VWA8: variants seen among roughly 807,000 people sequenced by gnomAD.
VWA8 encodes von Willebrand factor A domain-containing protein 8.
A neutral mutation model predicts 241.5 loss-of-function variants in VWA8; 221 were observed. That is an observed-to-expected ratio of 0.91 (90% CI 0.82 to 1.02). The LOEUF is 1.02. VWA8 is among the 50% of genes least tolerant of loss of function. VWA8 has a pLI of 0.00. For missense variants in VWA8, 2,322 were observed against 2,328.7 expected, an observed-to-expected ratio of 1.00 and a Z score of 0.06; for synonymous variants, 852 against 827.1, an observed-to-expected ratio of 1.03 and a Z score of -0.52.
intron 2 of VWA8, among the ~76,000 whole-genome samples, chr13:41,927,553 A>T (rs1308320318): frequency 6.6e-6 from 1 of 152,028 alleles, no homozygotes; most frequent in East Asian, 1.9e-4. Context: ...AAAAAAAAAA[A>T]CTATAAGATG....
Position 41,961,052 on chromosome 13 carries a change from C to T in VWA8, c.-37G>A. 1 of 1,353,624 alleles carries T rather than the reference C, an allele frequency of 7.4e-7. No homozygotes were observed. The highest frequency in any genetic ancestry group is 9.4e-7 in the Non-Finnish European group (1 of 1,058,966). The allele number at this position is 1,353,624 out of a possible 1,614,324, so 83.9% of individuals were successfully genotyped here. On this transcript the variant is annotated 5_prime_UTR_variant, in exon 1 of 45. Transcript: ENST00000379310. ...GGCTGTCGGGGACGGCGAGGGGGCT[C>T]GGGGATCGAGCGGCGTCCCGTGCAG...
intron 21 of VWA8, among the ~76,000 whole-genome samples, chr13:41,755,638 A>T (rs749534993): frequency 5.3e-5 from 8 of 151,960 alleles, no homozygotes; most frequent in Non-Finnish European, 1.2e-4. Flanking sequence ...ATTTTGTAAC[A>T]AATGGTTAGT....
At chr13:41,689,925 T>C (rs983899169) in intron 33 of VWA8, among the ~76,000 whole-genome samples, 3 of 152,112 alleles carry the variant, frequency 2.0e-5, no homozygotes, top group Admixed American at 1.3e-4. Context: ...AACCTAAATG[T>C]ATATAAAAAT....
At chr13:41,810,299 C>A (rs1248638524) in intron 17 of VWA8, among the ~76,000 whole-genome samples, 6 of 151,978 alleles carry the variant, frequency 3.9e-5, no homozygotes, top group Non-Finnish European at 8.8e-5. Context: ...AAAGAAAATC[C>A]ATATATTGAA....
chr13:41,761,284 A>G, intron 20 of VWA8, 80 bp from the exon 21 acceptor site: 1 of 1,373,740 alleles, frequency 7.3e-7, no homozygotes, highest in Non-Finnish European at 1.0e-6. Flanking sequence ...AGAATCTTTT[A>G]CCAAAACCTG....
In VWA8 at chr13:41,784,703, T is replaced by TATACATATACATATACATATACATATAC. The variant is rs1566456213; in HGVS notation, c.2171-803_2171-802insGTATATGTATATGTATATGTATATGTAT. On this transcript the variant is annotated intron_variant, in intron 18 of 44. Coordinates refer to ENST00000379310, the MANE Select transcript of VWA8 (RefSeq NM_015058.2). ...CTTTATACATATACATATACATATA[T>TATACATATACATATACATATACATATAC]ATATATATATATATATATATATATA... 1.7e-3 allele frequency among the ~76,000 whole-genome samples: 80 copies of TATACATATACATATACATATACATATAC among 47,738 alleles called. 2 individuals carry two copies. Among genetic ancestry groups the TATACATATACATATACATATACATATAC allele is most frequent in the South Asian group, 7.5e-3 (11 of 1,464 alleles). The allele number at this position is 47,738 out of a possible 152,430, so 31.3% of individuals were successfully genotyped here. A position where few individuals can be genotyped will look rare whatever the true frequency, so the allele number is the denominator to read the frequency against.
intron 9 of VWA8, among the ~76,000 whole-genome samples, chr13:41,881,105 T>C (rs1874148972): frequency 6.6e-6 from 1 of 152,200 alleles, no homozygotes; most frequent in Non-Finnish European, 1.5e-5. Context: ...TCCTATTTTA[T>C]GTAACAGGTT....
intron 12 of VWA8, among the ~76,000 whole-genome samples, chr13:41,853,278 T>C (rs77169251): frequency 6.6e-6 from 1 of 152,170 alleles, no homozygotes; most frequent in South Asian, 2.1e-4. Context: ...GGCCTTGTCA[T>C]ATATGGCCTT....
At chr13:41,642,570 A>G (rs1222100343) in intron 37 of VWA8, among the ~76,000 whole-genome samples, 1 of 151,136 alleles carries the variant, frequency 6.6e-6, no homozygotes, top group Non-Finnish European at 1.5e-5. Context: ...AACAAAAAAA[A>G]AAAAAAAAGA....
chr13:41,903,048 G>T (rs1240978026), intron 4 of VWA8, among the ~76,000 whole-genome samples: 1 of 152,034 alleles, frequency 6.6e-6, no homozygotes, highest in Admixed American at 6.6e-5. Context: ...AAATTCAATG[G>T]TTAAGAACAC....
intron 37 of VWA8, among the ~76,000 whole-genome samples, chr13:41,640,890 AATTT>A: frequency 6.6e-6 from 1 of 152,304 alleles, no homozygotes; most frequent in African/African-American, 2.4e-5. Flanking sequence ...TGGTATTTCC[AATTT>A]ATTAAAGCAA....
intron 4 of VWA8, among the ~76,000 whole-genome samples, chr13:41,896,640 G>A (rs1014817745): frequency 6.6e-6 from 1 of 151,986 alleles, no homozygotes; most frequent in Non-Finnish European, 1.5e-5. Context: ...CCTATAAAAT[G>A]CAAATTAGCA....
intron 20 of VWA8, among the ~76,000 whole-genome samples, chr13:41,774,983 G>A (rs1030759584): frequency 3.9e-5 from 6 of 152,164 alleles, no homozygotes; most frequent in Non-Finnish European, 1.5e-5. Flanking sequence ...AATGGGCAAA[G>A]GTAAGAGAAA....
rs577133897 is a variant in VWA8, at chr13:41,783,717, C to T, written c.2277+78G>A. On this transcript the variant is annotated intron_variant, in intron 19 of 44. Coordinates refer to ENST00000379310, the MANE Select transcript of VWA8 (RefSeq NM_015058.2). The stretch of plus-strand genomic sequence containing the variant: ...ATTTAGGAAATCACAAAAATAATTA[C>T]ATGTCAATTTCACTTGAATTGGAGT... 1.6e-5 allele frequency: 15 copies of T among 912,136 alleles called. No homozygotes were observed. In the South Asian group the frequency reaches 2.4e-4, roughly 15 times the overall value. 56.5% of individuals were successfully genotyped at this position (912,136 alleles called of 1,614,324 possible).
rs2044619490 is a variant in VWA8 at position 41,616,269 on chromosome 13, T to G, written c.4612-1185A>C. Among the ~76,000 whole-genome samples the G allele has an allele frequency of 2.0e-5, 3 of 152,200 alleles. No individual in the cohort carries two copies. The South Asian group carries it at 6.2e-4, about 31-fold the overall frequency. ...TGTCTTACGTCCAAGTTGGTTCATTTCAAGTGTTATGACATCGTAGGGATT... is the reference window on the plus strand; with the variant it reads ...TGTCTTACGTCCAAGTTGGTTCATTGCAAGTGTTATGACATCGTAGGGATT... On this transcript the variant is annotated intron_variant, in intron 37 of 44. Coordinates refer to ENST00000379310, the MANE Select transcript of VWA8 (RefSeq NM_015058.2).
At position 41,850,405 on chromosome 13, in the gene VWA8, G is replaced by C. The variant is rs183771788; in HGVS notation, c.1425+15331C>G. On this transcript the variant is annotated intron_variant, in intron 12 of 44. Coordinates refer to ENST00000379310, the MANE Select transcript of VWA8 (RefSeq NM_015058.2). ...GGTATCAGGCAGCCCCCTAGACTCA[G>C]GGACCAGGACCCAGCTCATACCCAT... is the stretch of plus-strand genomic sequence containing the variant. Among the ~76,000 whole-genome samples, 48 of 152,164 alleles carry C rather than the reference G, an allele frequency of 3.2e-4. No homozygotes were observed. The East Asian group carries it at 8.9e-3, about 28-fold the overall frequency.
At chr13:41,811,422 C>T (rs1272665570) in intron 16 of VWA8, 82 bp from the exon 17 acceptor site, 1 of 1,105,936 alleles carries the variant, frequency 9.0e-7, no homozygotes, top group Admixed American at 2.0e-5. Context: ...CAGCAGAATT[C>T]ATTATTACTG....
chr13:41,804,874 T>C (rs139606605), intron 17 of VWA8, among the ~76,000 whole-genome samples: 6 of 152,284 alleles, frequency 3.9e-5, no homozygotes, highest in African/African-American at 1.2e-4. Flanking sequence ...AGGCATTATA[T>C]GCAAGCCTCA....
intron 38 of VWA8, among the ~76,000 whole-genome samples, chr13:41,613,098 A>G (rs1418035027): frequency 6.6e-6 from 1 of 152,172 alleles, no homozygotes; most frequent in African/African-American, 2.4e-5. Context: ...AAATTATGTT[A>G]CATTTTTCTT....
Sources: allele counts gnomAD v4.1 joint callset (sites outside exome capture counted in the v4.1 genomes callset), GRCh38; gene constraint gnomAD v4.1.1; transcripts MANE v1.5; gene names NCBI Gene and HGNC (gene_info 2026-07-23, HGNC 2026-07-21).